The following ABTB1 variants were observed in gnomAD, a reference collection of about 807,000 sequenced individuals.
ABTB1 encodes the protein ankyrin repeat and BTB/POZ domain-containing protein 1.
ABTB1 carries 45 observed loss-of-function variants against 57.1 expected under a neutral mutation model. That is an observed-to-expected ratio of 0.79 (90% CI 0.62 to 1.01). The LOEUF is 1.01. Ranked by LOEUF, ABTB1 falls within the 50% of genes least tolerant of loss-of-function variation. The probability of loss-of-function intolerance (pLI) is 0.00; values close to 1 mark genes in which losing one functional copy is unlikely to be tolerated. For synonymous variants in ABTB1, 302 were observed against 275.4 expected (o/e 1.10, Z -0.95); for missense variants, 630 against 666.3 (o/e 0.95, Z 0.60).
rs781640541 is a variant in ABTB1 at position 127,673,062 on chromosome 3, G to T, written c.37G>T (p.Gly13Trp). The T allele has an allele frequency of 1.9e-6, 3 of 1,576,844 alleles. No individual in the cohort carries two copies. Among genetic ancestry groups the T allele is most frequent in the African/African-American group, 1.4e-5 (1 of 72,116 alleles). Residue 13 changes from glycine to tryptophan, a missense_variant, in exon 1 of 12, where the codon GGG (glycine) becomes TGG (tryptophan). Physicochemically the swap from Gly to Trp is radical, Grantham distance 184. Around this residue, in one of 3 missense-constraint regions of ABTB1, gnomAD observed 579 missense variants for 585.9 expected, o/e 0.99. Coordinates refer to ENST00000232744, the MANE Select transcript of ABTB1 (RefSeq NM_172027.3). ...CGACCTGTTCGCCAGCTGCAGGAAG[G>T]GGGATGTGGGCCGAGTGCGGTGAGG... ...TSDLFASCRK[G>W]DVGRVRYLLE...
At chr3:127,678,317 T>TGC (rs1559889257) in intron 10 of ABTB1, 125 of 157,896 alleles carry the variant, frequency 7.9e-4, no homozygotes, top group South Asian at 2.3e-3. Context: ...AGTGTGTGTG[T>TGC]GCGTGCGCGT....
rs371938330 is a variant in ABTB1 at position 127,674,584 on chromosome 3, C to T, written c.159C>T (p.Leu53=). Residue 53 remains leucine, a synonymous_variant, in exon 3 of 12, where the codon CTC becomes CTT. Coordinates refer to ENST00000232744, the MANE Select transcript of ABTB1 (RefSeq NM_172027.3). ...TGTGTGGGCACGAGGAGCTGGTACT[C>T]TACCTTCTGGCCAATGGTGAGAGCA... is the stretch of plus-strand genomic sequence containing the variant. ...ACLCGHEELV[L]YLLANGARCE... 6.3e-5 allele frequency: 101 copies of T among 1,614,088 alleles called. No homozygotes were observed. Among genetic ancestry groups the T allele is most frequent in the Non-Finnish European group, 8.4e-5 (99 of 1,180,044 alleles).
rs369456649 is a variant in ABTB1 at position 127,674,498 on chromosome 3, C to A, written c.119+45C>A. The A allele has an allele frequency of 5.0e-6, 8 of 1,613,824 alleles. No homozygotes were observed. In the East Asian group the frequency reaches 1.3e-4, roughly 27 times the overall value. Reference sequence around the variant, plus strand: ...GTGGGGAGGGTGGGGGTTGGTGCACCCCTTCAGCACTGAGGACTGCCTCCT... The same window carrying A: ...GTGGGGAGGGTGGGGGTTGGTGCACACCTTCAGCACTGAGGACTGCCTCCT... On this transcript the variant is annotated intron_variant, in intron 2 of 11. Coordinates refer to ENST00000232744, the MANE Select transcript of ABTB1 (RefSeq NM_172027.3).
chr3:127,679,317 GCATGGCA>G (rs2075067215), intron 10 of ABTB1: 1 of 342,424 alleles, frequency 2.9e-6, no homozygotes, highest in South Asian at 2.1e-5. Flanking sequence ...AAAGGAGGTG[GCATGGCA>G]CATGGCACAT....
chr3:127,674,355 C>T (rs757860241), intron 1 of ABTB1, 36 bp from the exon 2 acceptor site: 35 of 1,587,142 alleles, frequency 2.2e-5, no homozygotes, highest in Admixed American at 1.7e-4. Context: ...ACCATGAACC[C>T]GTCCTGACCC....
intron 3 of ABTB1, among the ~76,000 whole-genome samples, chr3:127,675,257 G>GTT (rs2074950650): frequency 7.0e-6 from 1 of 143,620 alleles, no homozygotes; most frequent in African/African-American, 2.6e-5. Flanking sequence ...TCCTATTTTG[G>GTT]TTTTTTCTTT....
intron 10 of ABTB1, 121 bp from the exon 11 acceptor site, chr3:127,679,864 A>C: frequency 1.2e-6 from 1 of 861,552 alleles, no homozygotes; most frequent in African/African-American, 1.8e-5. Context: ...GGGAGCTCCT[A>C]CTCCCACTGG....
chr3:127,673,670 C>T (rs1242247333), intron 1 of ABTB1: 1 of 153,682 alleles, frequency 6.5e-6, no homozygotes, highest in Non-Finnish European at 1.4e-5. Flanking sequence ...CTCCTTTTTT[C>T]TTGGCCCTTC....
intron 3 of ABTB1, 132 bp from the exon 4 acceptor site, chr3:127,675,838 C>T (rs1040236495): frequency 2.4e-6 from 3 of 1,274,694 alleles, no homozygotes; most frequent in African/African-American, 3.0e-5. Context: ...TCAGAGTGGG[C>T]CCAGGGTAAT....
chr3:127,673,082 G>A lies in ABTB1; in HGVS notation c.56+1G>A. ...GGAAGGGGGATGTGGGCCGAGTGCG[G>A]TGAGGACCTCGCAGTCCCGGGGAGG... On this transcript the variant is annotated splice_donor_variant, in intron 1 of 11. Transcript: ENST00000232744. LOFTEE classifies it high-confidence loss of function. 6.4e-7 allele frequency: 1 copy of A among 1,568,288 alleles called. No individual in the cohort carries two copies. Among genetic ancestry groups the A allele is most frequent in the African/African-American group, 1.4e-5 (1 of 71,608 alleles).
chr3:127,674,017 C>G (rs2074916141), intron 1 of ABTB1: 2 of 284,246 alleles, frequency 7.0e-6, no homozygotes. Flanking sequence ...TTCCCGGGCT[C>G]CCTGCTTCTA....
In ABTB1 at chr3:127,673,100, C is replaced by T. The variant is rs757769848; in HGVS notation, c.56+19C>T. 1 of 1,538,276 alleles carries T rather than the reference C, an allele frequency of 6.5e-7. No homozygotes were observed. Among genetic ancestry groups the T allele is most frequent in the Non-Finnish European group, 8.8e-7 (1 of 1,142,256 alleles). ...GAGTGCGGTGAGGACCTCGCAGTCC[C>T]GGGGAGGGTGCGGGAGGTGGCCGCC... On this transcript the variant is annotated intron_variant, in intron 1 of 11. Coordinates refer to ENST00000232744, the MANE Select transcript of ABTB1 (RefSeq NM_172027.3).
chr3:127,675,479 A>G (rs1008693520), intron 3 of ABTB1: 2 of 163,112 alleles, frequency 1.2e-5, no homozygotes, highest in African/African-American at 2.4e-5. Flanking sequence ...GTGTCTCACT[A>G]TGTTGCCCAG....
Position 127,676,927 on chromosome 3 carries a change from C to T in ABTB1, c.527-40C>T. The T allele has an allele frequency of 1.3e-6, 2 of 1,581,724 alleles. No individual in the cohort carries two copies. Among genetic ancestry groups the T allele is most frequent in the Non-Finnish European group, 8.7e-7 (1 of 1,153,494 alleles). On this transcript the variant is annotated intron_variant, in intron 6 of 11. Transcript: ENST00000232744. This position sits in a 1 kb window ranked among gnomAD's most constrained non-coding sequence, Gnocchi z 5.4. ...CCTTTTTCTGTGGGCCTGATGACAG[C>T]TGAGGTCCCGCAGGCCCTCATCCTC...
rs780571240 is a variant in ABTB1 at position 127,677,882 on chromosome 3, G to C, written c.1029+39G>C. On this transcript the variant is annotated intron_variant, in intron 10 of 11. Transcript: ENST00000232744. ...CAGAGCTGGGGATGGCACACAACCT[G>C]TGCTGCCGTGGGCTGAGAGGGAGCG... 4 of 1,597,964 alleles carry C rather than the reference G, an allele frequency of 2.5e-6. No individual in the cohort carries two copies. The South Asian group carries it at 3.3e-5, about 13-fold the overall frequency.
Position 127,677,769 on chromosome 3 carries a change from G to T in ABTB1, c.955G>T (p.Ala319Ser). ...EEPATSGGPPAVTLHGISPDV... is the reference protein window; with the variant it reads ...EEPATSGGPPSVTLHGISPDV... Reference sequence around the variant, plus strand: ...GCCAGCGACCTCAGGGGGCCCCCCAGCCGTCACCCTGCATGGCATCTCACC... The same window carrying T: ...GCCAGCGACCTCAGGGGGCCCCCCATCCGTCACCCTGCATGGCATCTCACC... Residue 319 changes from alanine to serine, a missense_variant, in exon 10 of 12, where the codon GCC becomes TCC. Ala to Ser is a moderately conservative substitution (Grantham distance 99). Coordinates refer to ENST00000232744, the MANE Select transcript of ABTB1 (RefSeq NM_172027.3). The T allele has an allele frequency of 6.2e-7, 1 of 1,612,270 alleles. No individual in the cohort carries two copies. Among genetic ancestry groups the T allele is most frequent in the Non-Finnish European group, 8.5e-7 (1 of 1,179,470 alleles).
In ABTB1 at chr3:127,676,070, G is replaced by A. The variant is rs1319517760; in HGVS notation, c.276G>A (p.Thr92=). ...RRALRDYKQV[T]ASCRRRDYYD... The stretch of plus-strand genomic sequence containing the variant: ...CTCTACGCGATTACAAGCAGGTCAC[G>A]GCTTCCTGCAGGAGGCGGGATTACT... Residue 92 remains threonine, a synonymous_variant, in exon 4 of 12, where the codon ACG becomes ACA. Transcript: ENST00000232744. The surrounding 1 kb of genome is among the most constrained non-coding windows in gnomAD (Gnocchi z 5.4). 4 of 1,613,364 alleles carry A rather than the reference G, an allele frequency of 2.5e-6. No individual in the cohort carries two copies. The highest frequency in any genetic ancestry group is 2.5e-6 in the Non-Finnish European group (3 of 1,180,010).
Position 127,680,452 on chromosome 3 carries a change from G to A in ABTB1, c.1414G>A (p.Val472Met), listed in dbSNP as rs749903991. ...TCTGCGGGCACTCGAGGACCTGCTC[G>A]TGTCCATCGGTCTGGACTGTTGAGC... is the stretch of plus-strand genomic sequence containing the variant. ...QRLRALEDLLVSIGLDC is the reference protein window; with the variant it reads ...QRLRALEDLLMSIGLDC The change falls in exon 12 of 12, where the codon GTG becomes ATG. Residue 472 changes from valine to methionine, a missense_variant. This residue lies in a region of ABTB1 where 43 missense variants were observed against 56.1 expected (regional missense o/e 0.77). Transcript: ENST00000232744. The A allele has an allele frequency of 8.7e-6, 14 of 1,602,210 alleles. No individual in the cohort carries two copies. Among genetic ancestry groups the A allele is most frequent in the East Asian group, 2.2e-5 (1 of 44,614 alleles).
Position 127,674,452 on chromosome 3 carries a change from T to C in ABTB1, c.118T>C (p.Leu40=), listed in dbSNP as rs2074928901. ...NVRDKWDSTP[L]YYACLCGHEE... is the part of the protein sequence containing the mutation. ...GCGGGACAAGTGGGACAGCACCCCC[T>C]TGTGAGTGCTGGAGAGAGGGGTGGG... Residue 40 remains leucine (L), a splice_region_variant and synonymous_variant, in exon 2 of 12, where the codon TTG becomes CTG. Coordinates refer to ENST00000232744, the MANE Select transcript of ABTB1 (RefSeq NM_172027.3). 3 of 1,607,974 alleles carry C rather than the reference T, an allele frequency of 1.9e-6. No individual in the cohort carries two copies. Among genetic ancestry groups the C allele is most frequent in the South Asian group, 1.1e-5 (1 of 90,872 alleles).
Sources: allele counts gnomAD v4.1 joint callset (sites outside exome capture counted in the v4.1 genomes callset), GRCh38; gene constraint gnomAD v4.1.1; regional missense constraint gnomAD v4.1.1; non-coding constraint Gnocchi (gnomAD v3.1); transcripts MANE v1.5; gene names NCBI Gene and HGNC (gene_info 2026-07-23, HGNC 2026-07-21).